The following LY96 variants were observed in gnomAD, a reference collection of about 807,000 sequenced individuals.
LY96 encodes myeloid differentiation protein-2.
In LY96, 18 loss-of-function variants were observed where a neutral mutation model predicts 18.9. The ratio of observed to expected loss-of-function variants is 0.95; its 90% CI spans 0.66 to 1.41. LY96 has a LOEUF of 1.41. Among genes scored for constraint, LY96 ranks in the 40% most tolerant of loss-of-function variants. LY96 has a pLI of 0.00. For synonymous variants in LY96, 66 were observed against 62.6 expected (o/e 1.06, Z -0.26); for missense variants, 175 against 182.4 (o/e 0.96, Z 0.23).
intron 1 of LY96, among the ~76,000 whole-genome samples, chr8:74,004,119 C>T (rs1816356316): frequency 6.6e-6 from 1 of 152,066 alleles, no homozygotes; most frequent in African/African-American, 2.4e-5. Flanking sequence ...CTGGGGATCC[C>T]CAGAGAAATT....
At chr8:74,030,498 G>T (rs1482236767), downstream of LY96, among the ~76,000 whole-genome samples, 1 of 152,218 alleles carries the variant, frequency 6.6e-6, no homozygotes, top group African/African-American at 2.4e-5. Context: ...GGCGACAGAA[G>T]TGTTTTTGGT....
At chr8:74,033,079 G>A (rs1816996876), downstream of LY96, among the ~76,000 whole-genome samples, 1 of 152,138 alleles carries the variant, frequency 6.6e-6, no homozygotes. Flanking sequence ...TGGGCACCCT[G>A]GGTGACATTA....
intron 3 of LY96, among the ~76,000 whole-genome samples, chr8:74,018,081 G>A (rs989343084): frequency 1.3e-5 from 2 of 152,022 alleles, no homozygotes; most frequent in African/African-American, 4.8e-5. Context: ...TGGGCTAAAT[G>A]CCCCAATTAA....
chr8:73,993,631 C>G (rs1320713449), intron 1 of LY96, among the ~76,000 whole-genome samples: 1 of 152,250 alleles, frequency 6.6e-6, no homozygotes, highest in South Asian at 2.1e-4. Flanking sequence ...TTAGTAGAGA[C>G]AGGGTTTTGC....
the LY96 span, among the ~76,000 whole-genome samples, chr8:74,083,895 G>A: frequency 2.6e-5 from 4 of 151,696 alleles, no homozygotes; most frequent in African/African-American, 9.7e-5. Flanking sequence ...CTATGTTGTC[G>A]AGGCTTGTCT....
the LY96 span, among the ~76,000 whole-genome samples, chr8:74,066,692 ATTTGTGT>A: frequency 1.8e-4 from 27 of 152,270 alleles, no homozygotes; most frequent in African/African-American, 5.5e-4. Flanking sequence ...ATAGGAGCAG[ATTTGTGT>A]TTTTAAAGAT....
intron 3 of LY96, among the ~76,000 whole-genome samples, chr8:74,011,749 C>A (rs2131269946): frequency 6.6e-6 from 1 of 151,506 alleles, no homozygotes; most frequent in East Asian, 2.0e-4. Context: ...GTCCCAGCTA[C>A]TTGAGAGGCT....
the LY96 span, among the ~76,000 whole-genome samples, chr8:74,048,015 C>T: frequency 6.6e-6 from 1 of 152,150 alleles, no homozygotes; most frequent in African/African-American, 2.4e-5. Context: ...CCTCCCACCT[C>T]AGCCTCCTGA....
At chr8:74,063,255 C>T in the LY96 span, among the ~76,000 whole-genome samples, 1 of 152,178 alleles carries the variant, frequency 6.6e-6, no homozygotes, top group Non-Finnish European at 1.5e-5. Flanking sequence ...AGGAGGAAGC[C>T]ATGATCCCTT....
At chr8:74,062,824 A>T in the LY96 span, among the ~76,000 whole-genome samples, 1 of 152,200 alleles carries the variant, frequency 6.6e-6, no homozygotes, top group Non-Finnish European at 1.5e-5. Flanking sequence ...ATGGTTAGTC[A>T]GTGTTGAAGC....
chr8:74,082,292 A>G, the LY96 span, among the ~76,000 whole-genome samples: 7 of 152,120 alleles, frequency 4.6e-5, no homozygotes, highest in African/African-American at 1.4e-4. Context: ...TTTTCATGCA[A>G]TTGCACCATT....
intron 3 of LY96, among the ~76,000 whole-genome samples, chr8:74,014,651 C>T (rs1277535217): frequency 6.6e-6 from 1 of 151,888 alleles, no homozygotes; most frequent in East Asian, 1.9e-4. Context: ...TATCAAGAGA[C>T]CCTTGAAATT....
the LY96 span, among the ~76,000 whole-genome samples, chr8:74,095,211 T>G: frequency 6.6e-6 from 1 of 152,226 alleles, no homozygotes; most frequent in East Asian, 1.9e-4. Flanking sequence ...GACCTTTTAT[T>G]TTTTTCTTCT....
At chr8:74,022,550 T>A (rs1816790637) in intron 3 of LY96, among the ~76,000 whole-genome samples, 2 of 151,676 alleles carry the variant, frequency 1.3e-5, no homozygotes, top group Admixed American at 6.6e-5. Context: ...ACAGTCTCCC[T>A]TAATAGAAAT....
chr8:74,000,804 T>C (rs1032032677), intron 1 of LY96, among the ~76,000 whole-genome samples: 1 of 152,208 alleles, frequency 6.6e-6, no homozygotes, highest in African/African-American at 2.4e-5. Context: ...AAATCCAACA[T>C]TGAGGCATTG....
intron 1 of LY96, among the ~76,000 whole-genome samples, chr8:74,002,091 CTT>C (rs1491098580): frequency 0.018 from 501 of 27,658 alleles, 109 homozygotes; most frequent in Non-Finnish European, 0.028. Context: ...TTCTTTCTTT[CTT>C]TCTCTCTCTC....
intron 3 of LY96, among the ~76,000 whole-genome samples, chr8:74,014,415 C>G (rs1816598100): frequency 6.8e-6 from 1 of 146,524 alleles, no homozygotes; most frequent in South Asian, 2.1e-4. Flanking sequence ...AAGCACCACA[C>G]TTGAGGGCCA....
chr8:74,055,296 ATTAT>A, the LY96 span, among the ~76,000 whole-genome samples: 1 of 151,056 alleles, frequency 6.6e-6, no homozygotes, highest in Non-Finnish European at 1.5e-5. Context: ...CTGTATGCTA[ATTAT>A]TTATTTATTT....
intron 1 of LY96, among the ~76,000 whole-genome samples, chr8:73,998,018 GC>G (rs1477414940): frequency 1.3e-5 from 2 of 152,158 alleles, no homozygotes; most frequent in Admixed American, 1.3e-4. Context: ...TCTGTCTGTA[GC>G]CCTTCTCCCC....
Sources: gnomAD v4.1 joint callset for allele counts (sites outside exome capture counted in the v4.1 genomes callset) on GRCh38, gnomAD v4.1.1 for gene constraint, MANE v1.5 for transcripts, NCBI Gene and HGNC (gene_info 2026-07-23, HGNC 2026-07-21) for gene names.